Variants in DOCK2 observed in about 807,000 individuals in gnomAD.
DOCK2 encodes dedicator of cytokinesis protein 2.
A neutral mutation model predicts 248.9 loss-of-function variants in DOCK2; 87 were observed. That is an observed-to-expected ratio of 0.35 (90% CI 0.29 to 0.42). The LOEUF is 0.42. Ranked by LOEUF, DOCK2 falls within the 10% of genes least tolerant of loss-of-function variation. The pLI, the probability that DOCK2 is intolerant of heterozygous loss-of-function variation, is 1.00. For synonymous variants in DOCK2, 805 were observed against 821.6 expected (o/e 0.98, Z 0.35); for missense variants, 1,747 against 2,300.2 (o/e 0.76, Z 4.92).
At chr5:169,978,386 T>TGGGGGGG (rs1561863630) in intron 27 of DOCK2, among the ~76,000 whole-genome samples, 2 of 16,716 alleles carry the variant, frequency 1.2e-4, no homozygotes, top group African/African-American at 4.8e-4. Context: ...TGTGTGTGTG[T>TGGGGGGG]GTGTGTGGGG....
At chr5:169,646,462 T>C (rs572159250) in intron 1 of DOCK2, among the ~76,000 whole-genome samples, 2 of 152,214 alleles carry the variant, frequency 1.3e-5, no homozygotes, top group Non-Finnish European at 2.9e-5. Flanking sequence ...AAATTCCCTC[T>C]ATTTTATGGA....
At chr5:169,963,317 C>T (rs1777166880) in intron 27 of DOCK2, among the ~76,000 whole-genome samples, 1 of 152,144 alleles carries the variant, frequency 6.6e-6, no homozygotes, top group Non-Finnish European at 1.5e-5. Context: ...CACAGCAGCC[C>T]TGACCTGACT....
At chr5:169,755,633 A>G (rs1176250514) in intron 23 of DOCK2, among the ~76,000 whole-genome samples, 1 of 151,928 alleles carries the variant, frequency 6.6e-6, no homozygotes, top group East Asian at 1.9e-4. Flanking sequence ...AATCCCAGCT[A>G]CTCCTGAGGT....
rs1474940151 is a variant in DOCK2 at position 169,763,854 on chromosome 5, C to A, written c.2554+2229C>A. Reference sequence around the variant, plus strand: ...AAAGTGTAATTAGTGTAGCCACGCTCGGCTCACATGTGAAAGTCGTATGAC... The same window carrying A: ...AAAGTGTAATTAGTGTAGCCACGCTAGGCTCACATGTGAAAGTCGTATGAC... On this transcript the variant is annotated intron_variant, in intron 25 of 51. Transcript: ENST00000520908. This position sits in a 1 kb window ranked among gnomAD's most constrained non-coding sequence, Gnocchi z 4.1. Among the ~76,000 whole-genome samples the A allele has an allele frequency of 1.3e-5, 2 of 152,226 alleles. No individual in the cohort carries two copies. The highest frequency in any genetic ancestry group is 1.5e-5 in the Non-Finnish European group (1 of 68,046).
intron 49 of DOCK2, 24 bp from the exon 50 acceptor site, chr5:170,080,139 T>C (rs1757977201): frequency 1.2e-6 from 2 of 1,613,828 alleles, no homozygotes; most frequent in Non-Finnish European, 1.7e-6. Context: ...TGTGTGTGTG[T>C]GTGTGTCTGG....
intron 9 of DOCK2, among the ~76,000 whole-genome samples, chr5:169,690,965 A>G (rs1760261737): frequency 1.3e-5 from 2 of 152,182 alleles, no homozygotes; most frequent in African/African-American, 2.4e-5. Context: ...TCATTCTTGC[A>G]TGGCTATAAA....
intron 41 of DOCK2, among the ~76,000 whole-genome samples, chr5:170,051,390 C>A (rs771532636): frequency 6.6e-6 from 1 of 152,162 alleles, no homozygotes; most frequent in Non-Finnish European, 1.5e-5. Flanking sequence ...TGTGATATGC[C>A]CAGCTTGTTC....
intron 26 of DOCK2, among the ~76,000 whole-genome samples, chr5:169,833,587 A>G (rs1769369027): frequency 1.3e-5 from 2 of 152,236 alleles, no homozygotes; most frequent in Non-Finnish European, 2.9e-5. Flanking sequence ...CTGTTCCAGA[A>G]GCAGTCTGAC....
At chr5:169,643,650 G>A (rs1757277511) in intron 1 of DOCK2, among the ~76,000 whole-genome samples, 1 of 152,098 alleles carries the variant, frequency 6.6e-6, no homozygotes, top group Admixed American at 6.5e-5. Flanking sequence ...TTCCTAACAG[G>A]CCACCAACCA....
chr5:170,019,747 T>A (rs550594768), intron 33 of DOCK2, among the ~76,000 whole-genome samples: 1 of 152,298 alleles, frequency 6.6e-6, no homozygotes, highest in Admixed American at 6.5e-5. Context: ...GCTCTGGCAG[T>A]GGAAGAAGCA....
intron 26 of DOCK2, among the ~76,000 whole-genome samples, chr5:169,832,812 C>T (rs1326146216): frequency 6.6e-6 from 1 of 152,080 alleles, no homozygotes; most frequent in East Asian, 1.9e-4. Flanking sequence ...CCATAGATTG[C>T]TGCTGTTTTC....
At chr5:170,043,327 C>T (rs78437052) in intron 38 of DOCK2, among the ~76,000 whole-genome samples, 4,091 of 152,232 alleles carry the variant, frequency 0.027, 189 homozygotes, top group African/African-American at 0.094. Flanking sequence ...AGAAAATGCA[C>T]GTAGAGCACC....
At chr5:169,813,066 G>A (rs183856356) in intron 26 of DOCK2, among the ~76,000 whole-genome samples, 1 of 152,250 alleles carries the variant, frequency 6.6e-6, no homozygotes, top group East Asian at 1.9e-4. Flanking sequence ...CCTTTCAGGG[G>A]CTCCTGCGGG....
At chr5:169,681,248 C>T (rs113574147) in intron 6 of DOCK2, among the ~76,000 whole-genome samples, 10,504 of 151,084 alleles carry the variant, frequency 0.07, 432 homozygotes, top group South Asian at 0.12. Context: ...CTCAGCCTCC[C>T]GAGTAGCTGG....
At chr5:169,879,590 C>G (rs1419891024) in intron 27 of DOCK2, among the ~76,000 whole-genome samples, 1 of 152,162 alleles carries the variant, frequency 6.6e-6, no homozygotes, top group Non-Finnish European at 1.5e-5. Context: ...GCTAACCCAA[C>G]CAGGGGTGTA....
chr5:170,054,992 T>C (rs763868118), intron 41 of DOCK2, among the ~76,000 whole-genome samples: 1 of 152,172 alleles, frequency 6.6e-6, no homozygotes, highest in Non-Finnish European at 1.5e-5. Flanking sequence ...TGCAATTGAT[T>C]TGAGAGCTAT....
intron 1 of DOCK2, 92 bp from the exon 2 acceptor site, chr5:169,654,311 A>C (rs12656935): frequency 0.073 from 103,595 of 1,427,142 alleles, 4,385 homozygotes; most frequent in South Asian, 0.15. Context: ...CTGCGTGGGC[A>C]TGGGATGGAC....
At chr5:169,654,581 C>A in intron 2 of DOCK2, 95 bp downstream of exon 2, 1 of 1,256,926 alleles carries the variant, frequency 8.0e-7, no homozygotes. Context: ...GAACCTGCAA[C>A]TGTGTGGTCT....
At chr5:169,650,663 C>A (rs1581383106) in intron 1 of DOCK2, among the ~76,000 whole-genome samples, 1 of 152,272 alleles carries the variant, frequency 6.6e-6, no homozygotes, top group Middle Eastern at 3.4e-3. Context: ...GCTTGCCAAC[C>A]TGGGATTTCC....
Sources: gnomAD v4.1 joint callset for allele counts (sites outside exome capture counted in the v4.1 genomes callset) on GRCh38, gnomAD v4.1.1 for gene constraint, Gnocchi (gnomAD v3.1) non-coding constraint, MANE v1.5 for transcripts, NCBI Gene and HGNC (gene_info 2026-07-23, HGNC 2026-07-21) for gene names.